The following PLAC9 variants were observed in gnomAD, a reference collection of about 807,000 sequenced individuals.
PLAC9 encodes placenta associated 9.
Under a neutral mutation model 11.5 loss-of-function variants are expected in PLAC9, and 12 were observed. That is an observed-to-expected ratio of 1.05 (90% CI 0.67 to 1.69). The LOEUF is 1.69. PLAC9 is among the 40% of genes most tolerant of loss of function. The pLI is 0.00. For synonymous variants in PLAC9, 62 were observed against 58.1 expected, an observed-to-expected ratio of 1.07 and a Z score of -0.31; for missense variants, 132 against 130.5, an observed-to-expected ratio of 1.01 and a Z score of -0.06.
chr10:80,141,619 C>CAA (rs983391332), intron 1 of PLAC9, among the ~76,000 whole-genome samples: 1 of 151,706 alleles, frequency 6.6e-6, no homozygotes, highest in Non-Finnish European at 1.5e-5. Context: ...AACAAACACA[C>CAA]AAAAAAACAA....
chr10:80,135,564 C>G (rs779629998), intron 1 of PLAC9, among the ~76,000 whole-genome samples: 7 of 151,710 alleles, frequency 4.6e-5, no homozygotes, highest in Non-Finnish European at 8.8e-5. Flanking sequence ...GTCTCAAACT[C>G]CTGACATCAA....
At chr10:80,143,723 A>G (rs912580300) in intron 2 of PLAC9, among the ~76,000 whole-genome samples, 1 of 152,150 alleles carries the variant, frequency 6.6e-6, no homozygotes, top group African/African-American at 2.4e-5. Flanking sequence ...TTTTAATGCA[A>G]TTGGTGCCCT....
chr10:80,132,717 G>T, upstream of PLAC9: 1 of 1,418,388 alleles, frequency 7.1e-7, no homozygotes, highest in Admixed American at 2.9e-5. Context: ...ATCCGGGAAG[G>T]GCGGCTGCGG....
intron 1 of PLAC9, among the ~76,000 whole-genome samples, chr10:80,135,094 A>T (rs1450363236): frequency 6.6e-6 from 1 of 151,824 alleles, no homozygotes; most frequent in Non-Finnish European, 1.5e-5. Flanking sequence ...ATCTCCGCTC[A>T]CTGCAAGCTC....
intron 1 of PLAC9, among the ~76,000 whole-genome samples, chr10:80,135,459 G>A (rs1197610316): frequency 6.6e-6 from 1 of 151,126 alleles, no homozygotes; most frequent in Non-Finnish European, 1.5e-5. Flanking sequence ...CCAAGTAGCT[G>A]GGATTACAGG....
At chr10:80,138,852 T>G (rs920792142) in intron 1 of PLAC9, among the ~76,000 whole-genome samples, 3 of 151,474 alleles carry the variant, frequency 2.0e-5, no homozygotes, top group Non-Finnish European at 4.4e-5. Context: ...GTTCCATAAC[T>G]CCCCCTATTG....
At chr10:80,144,744 G>A (rs563911257) in intron 3 of PLAC9, among the ~76,000 whole-genome samples, 156 bp from the exon 4 acceptor site, 3 of 152,322 alleles carry the variant, frequency 2.0e-5, no homozygotes, top group South Asian at 4.2e-4. Flanking sequence ...ATCAGGCAGG[G>A]TTGGGGTTGC....
At position 80,144,337 on chromosome 10, in the gene PLAC9, C is replaced by G. The variant is rs773986725; in HGVS notation, c.277C>G (p.Leu93Val). ...PGPFSPAPDL[L>V]GDGF Reference sequence around the variant, plus strand: ...ACCCTTCAGCCCCGCTCCCGACCTTCTCGGAGGTGAGCAGTGCAGGTGGCA... The same window carrying G: ...ACCCTTCAGCCCCGCTCCCGACCTTGTCGGAGGTGAGCAGTGCAGGTGGCA... The change falls in exon 3 of 4, where the codon CTC (leucine) becomes GTC (valine). Residue 93 changes from leucine (L) to valine (V), a missense_variant. Leu to Val is a conservative substitution (Grantham distance 32, BLOSUM62 1). Transcript: ENST00000372263. 6.9e-6 allele frequency: 11 copies of G among 1,602,538 alleles called. No individual in the cohort carries two copies. The highest frequency in any genetic ancestry group is 5.1e-6 in the Non-Finnish European group (6 of 1,178,006).
chr10:80,144,386 C>A, intron 3 of PLAC9, 43 bp downstream of exon 3: 1 of 1,540,702 alleles, frequency 6.5e-7, no homozygotes, highest in Middle Eastern at 1.7e-4. Context: ...GGGCGGCTGT[C>A]ATCTGGCGCT....
chr10:80,135,530 A>G (rs948048681), intron 1 of PLAC9, among the ~76,000 whole-genome samples: 1 of 148,598 alleles, frequency 6.7e-6, no homozygotes, highest in African/African-American at 2.5e-5. Flanking sequence ...GCTGCGGGGG[A>G]GTTTCACCAT....
intron 1 of PLAC9, among the ~76,000 whole-genome samples, chr10:80,140,162 T>TCTCCTGTCTTC (rs1845022953): frequency 6.6e-6 from 1 of 152,062 alleles, no homozygotes. Context: ...ATCCTTGGGT[T>TCTCCTGTCTTC]CTCCTGTCTT....
intron 1 of PLAC9, among the ~76,000 whole-genome samples, chr10:80,133,927 G>A (rs1305369661): frequency 2.3e-5 from 3 of 131,800 alleles, no homozygotes; most frequent in South Asian, 2.5e-4. Context: ...CTGGGTGACA[G>A]AGCAAGACTC....
Position 80,144,967 on chromosome 10 carries a change from A to G in PLAC9, c.*57A>G, listed in dbSNP as rs1373673795. ...GGTGCACCTGCCAGGCAGCGCCCAC[A>G]GAACCAGCCCTGTCCTCTCGACTTC... On this transcript the variant is annotated 3_prime_UTR_variant, in exon 4 of 4. Coordinates refer to ENST00000372263, the MANE Select transcript of PLAC9 (RefSeq NM_001012973.3). 1.3e-6 allele frequency: 2 copies of G among 1,556,970 alleles called. No homozygotes were observed. The highest frequency in any genetic ancestry group is 3.9e-5 in the Admixed American group (2 of 51,554).
In PLAC9 at chr10:80,145,129, C is replaced by T. The variant is rs549238062; in HGVS notation, c.*219C>T. ...GCCTGCAACCCCCTCCAGGCTCAGA[C>T]CTGGGGACACCCCCACTCCTGTCAT... On this transcript the variant is annotated 3_prime_UTR_variant, in exon 4 of 4. Coordinates refer to ENST00000372263, the MANE Select transcript of PLAC9 (RefSeq NM_001012973.3). 2.2e-5 allele frequency: 15 copies of T among 688,510 alleles called. No homozygotes were observed. The African/African-American group carries it at 2.5e-4, about 11-fold the overall frequency. The allele number at this position is 688,510 out of a possible 1,614,324, so 42.7% of individuals were successfully genotyped here.
intron 2 of PLAC9, 94 bp from the exon 3 acceptor site, chr10:80,144,129 G>C: frequency 1.3e-6 from 2 of 1,570,900 alleles, no homozygotes; most frequent in Non-Finnish European, 1.7e-6. Flanking sequence ...CCACTGCACC[G>C]CACTGGACCG....
intron 1 of PLAC9, 76 bp downstream of exon 1, chr10:80,132,902 A>G: frequency 8.0e-7 from 1 of 1,250,678 alleles, no homozygotes; most frequent in Non-Finnish European, 1.1e-6. Flanking sequence ...AATGAGCGAG[A>G]GAGACGGAGA....
At chr10:80,139,293 C>G (rs1845014540) in intron 1 of PLAC9, among the ~76,000 whole-genome samples, 1 of 152,160 alleles carries the variant, frequency 6.6e-6, no homozygotes, top group African/African-American at 2.4e-5. Context: ...CCTGTGATTC[C>G]TAAGACCTCC....
intron 1 of PLAC9, among the ~76,000 whole-genome samples, chr10:80,138,934 G>C (rs574877296): frequency 8.7e-5 from 13 of 149,226 alleles, no homozygotes; most frequent in Non-Finnish European, 1.5e-4. Context: ...ACCTCTAAAA[G>C]TTAAATTGCA....
chr10:80,142,964 C>T (rs1218626681), intron 2 of PLAC9, among the ~76,000 whole-genome samples: 3 of 152,228 alleles, frequency 2.0e-5, no homozygotes, highest in African/African-American at 7.2e-5. Context: ...CTCAAGCCAT[C>T]TGCCCACCTC....
Sources: gnomAD v4.1 joint callset for allele counts (sites outside exome capture counted in the v4.1 genomes callset) on GRCh38, gnomAD v4.1.1 for gene constraint, MANE v1.5 for transcripts, NCBI Gene and HGNC (gene_info 2026-07-23, HGNC 2026-07-21) for gene names.